Variants in MED13L observed in about 807,000 individuals in gnomAD.
MED13L encodes the protein mediator complex subunit 13L.
A neutral mutation model predicts 220.9 loss-of-function variants in MED13L; 7 were observed. The ratio of observed to expected loss-of-function variants is 0.03; its 90% CI spans 0.02 to 0.06. The LOEUF (loss-of-function observed/expected upper bound fraction) is 0.06, where lower values mean the gene tolerates loss of function less well. Among genes scored for constraint, MED13L ranks in the 10% least tolerant of loss-of-function variants. The pLI is 1.00. For synonymous variants in MED13L, 1,011 were observed against 1,015.2 expected (o/e 1.00, Z 0.08); for missense variants, 1,965 against 2,760.5 (o/e 0.71, Z 6.46).
intron 4 of MED13L, among the ~76,000 whole-genome samples, chr12:116,071,080 T>G (rs1870333501): frequency 6.6e-6 from 1 of 152,224 alleles, no homozygotes; most frequent in South Asian, 2.1e-4. Context: ...AAATGTTCAT[T>G]GAAGAAAACT....
At chr12:116,205,129 A>C (rs1298788367) in intron 2 of MED13L, among the ~76,000 whole-genome samples, 4 of 152,198 alleles carry the variant, frequency 2.6e-5, no homozygotes, top group Non-Finnish European at 5.9e-5. Context: ...ACCAGAACTC[A>C]GAAAATGGTG....
chr12:116,105,138 A>AT (rs976617032), intron 3 of MED13L, among the ~76,000 whole-genome samples: 20 of 152,128 alleles, frequency 1.3e-4, no homozygotes, highest in African/African-American at 3.9e-4. Flanking sequence ...ATGATTGCAG[A>AT]TTTTTTTTCC....
At chr12:115,971,558 C>G (rs1876585892) in intron 26 of MED13L, among the ~76,000 whole-genome samples, 1 of 152,212 alleles carries the variant, frequency 6.6e-6, no homozygotes. Context: ...CACGTTTTGG[C>G]CATCCACAAA....
rs74746149 is a variant in MED13L at position 116,054,793 on chromosome 12, G to A, written c.480-32192C>T. Among the ~76,000 whole-genome samples the A allele has an allele frequency of 1.2e-4, 19 of 152,238 alleles. No individual in the cohort carries two copies. In the East Asian group the frequency reaches 3.7e-3, roughly 29 times the overall value. ...TACAGCCAGTTTGGAAAATTGCTTG[G>A]CAGTATCTATTAAAGCTGAACATGT... On this transcript the variant is annotated intron_variant, in intron 4 of 30. Transcript: ENST00000281928.
At chr12:116,009,246 A>C in intron 9 of MED13L, 114 bp from the exon 10 acceptor site, 2 of 1,002,052 alleles carry the variant, frequency 2.0e-6, no homozygotes, top group Non-Finnish European at 3.0e-6. Flanking sequence ...AAAGGGCTCT[A>C]AGTTTTTAAT....
intron 2 of MED13L, among the ~76,000 whole-genome samples, chr12:116,233,518 C>A (rs1869779309): frequency 1.3e-5 from 2 of 152,136 alleles, no homozygotes; most frequent in Non-Finnish European, 2.9e-5. Flanking sequence ...CCTACTCAGC[C>A]TTTTAGAGGG....
intron 4 of MED13L, among the ~76,000 whole-genome samples, chr12:116,083,348 G>A (rs1871356960): frequency 7.2e-6 from 1 of 139,658 alleles, no homozygotes; most frequent in Admixed American, 7.5e-5. Flanking sequence ...GCTGCAGTGA[G>A]TCAAAATCGC....
At chr12:116,201,702 T>C (rs1160626087) in intron 2 of MED13L, among the ~76,000 whole-genome samples, 1 of 152,152 alleles carries the variant, frequency 6.6e-6, no homozygotes, top group Non-Finnish European at 1.5e-5. Flanking sequence ...TGGGTGCTTT[T>C]TTTTCTAGGA....
At chr12:116,039,792 A>T (rs1310469930) in intron 4 of MED13L, among the ~76,000 whole-genome samples, 3 of 152,060 alleles carry the variant, frequency 2.0e-5, no homozygotes, top group Admixed American at 1.3e-4. Flanking sequence ...TATTTTAGAA[A>T]CAGGGCTGAC....
chr12:116,151,705 G>GTTCC (rs1264524786), intron 2 of MED13L, among the ~76,000 whole-genome samples: 2 of 152,172 alleles, frequency 1.3e-5, no homozygotes, highest in African/African-American at 4.8e-5. Flanking sequence ...TAGCGGCTAT[G>GTTCC]GGAACCATAC....
At chr12:116,078,842 A>T (rs1044095353) in intron 4 of MED13L, among the ~76,000 whole-genome samples, 12 of 152,244 alleles carry the variant, frequency 7.9e-5, no homozygotes, top group Non-Finnish European at 4.4e-5. Flanking sequence ...TATGTATCCT[A>T]GAGCAAAAGA....
chr12:116,140,973 G>A (rs1159391100), intron 2 of MED13L, among the ~76,000 whole-genome samples: 2 of 152,062 alleles, frequency 1.3e-5, no homozygotes, highest in African/African-American at 4.8e-5. Flanking sequence ...CCTTCAACTG[G>A]TAATTATTTC....
At chr12:116,148,383 G>C (rs914659375) in intron 2 of MED13L, among the ~76,000 whole-genome samples, 2 of 151,754 alleles carry the variant, frequency 1.3e-5, no homozygotes, top group African/African-American at 2.4e-5. Flanking sequence ...TTATAAATGG[G>C]ATTATACTTC....
At chr12:116,126,036 G>A (rs1403610196) in intron 2 of MED13L, among the ~76,000 whole-genome samples, 1 of 152,134 alleles carries the variant, frequency 6.6e-6, no homozygotes, top group African/African-American at 2.4e-5. Context: ...AGCAATAAAA[G>A]TTTCTCAAAA....
chr12:116,108,701 T>C (rs1873814216), intron 3 of MED13L, among the ~76,000 whole-genome samples: 1 of 152,252 alleles, frequency 6.6e-6, no homozygotes, highest in African/African-American at 2.4e-5. Flanking sequence ...GATCATTATT[T>C]TCTAAAAGAA....
At chr12:116,238,433 G>A (rs1870305375) in intron 1 of MED13L, among the ~76,000 whole-genome samples, 1 of 152,180 alleles carries the variant, frequency 6.6e-6, no homozygotes, top group South Asian at 2.1e-4. Flanking sequence ...ATTTCAAGAT[G>A]TCTTAAATCT....
At chr12:116,143,272 G>A (rs923775363) in intron 2 of MED13L, among the ~76,000 whole-genome samples, 18 of 151,668 alleles carry the variant, frequency 1.2e-4, no homozygotes, top group Admixed American at 1.3e-4. Context: ...ACTCAGGGAG[G>A]CCGAGGCAGG....
intron 23 of MED13L, among the ~76,000 whole-genome samples, chr12:115,977,682 A>C (rs1952153660): frequency 6.6e-6 from 1 of 152,158 alleles, no homozygotes; most frequent in South Asian, 2.1e-4. Context: ...CATTATGCTA[A>C]CTGGAAGAAG....
chr12:116,258,007 G>A (rs779333373), intron 1 of MED13L, among the ~76,000 whole-genome samples: 1 of 152,080 alleles, frequency 6.6e-6, no homozygotes, highest in Non-Finnish European at 1.5e-5. Context: ...ATTAATCTCA[G>A]GCAAATCTAT....
Sources: gnomAD v4.1 joint callset for allele counts (sites outside exome capture counted in the v4.1 genomes callset) on GRCh38, gnomAD v4.1.1 for gene constraint, MANE v1.5 for transcripts, NCBI Gene and HGNC (gene_info 2026-07-23, HGNC 2026-07-21) for gene names.